Variants in THTPA observed in about 807,000 individuals in gnomAD.
THTPA encodes the protein thiamine triphosphatase.
THTPA carries 16 observed loss-of-function variants against 16.5 expected under a neutral mutation model. The observed-to-expected ratio is 0.97, with a 90% CI of 0.66 to 1.47. The LOEUF is 1.47. THTPA is among the 40% of genes most tolerant of loss of function. The pLI is 0.00. For missense variants in THTPA, 281 were observed against 280.9 expected, an observed-to-expected ratio of 1.00 and a Z score of 0.00; for synonymous variants, 110 against 115.5, an observed-to-expected ratio of 0.95 and a Z score of 0.30.
chr14:23,531,342 G>C, the THTPA span: 1 of 1,230,532 alleles, frequency 8.1e-7, no homozygotes, highest in East Asian at 3.0e-5. Flanking sequence ...TTATCCCTTC[G>C]CAGCTTCTTC....
At chr14:23,554,451 TCACTGC>T (rs1236361515), upstream of THTPA, among the ~76,000 whole-genome samples, 1 of 152,094 alleles carries the variant, frequency 6.6e-6, no homozygotes, top group Non-Finnish European at 1.5e-5. Flanking sequence ...GGATCGTAGC[TCACTGC>T]CCTTGACCTC....
the THTPA span, among the ~76,000 whole-genome samples, chr14:23,542,720 T>G: frequency 6.6e-6 from 1 of 151,952 alleles, no homozygotes; most frequent in East Asian, 1.9e-4. Context: ...GAATTTGGTC[T>G]CCCAGAACTT....
chr14:23,535,038 C>A, the THTPA span: 1 of 1,536,108 alleles, frequency 6.5e-7, no homozygotes, highest in Non-Finnish European at 8.7e-7. The surrounding 1 kb of genome is among the most constrained non-coding windows in gnomAD (Gnocchi z 4.5). Flanking sequence ...CCTCCTGCTC[C>A]TTGTCCTTTT....
the THTPA span, among the ~76,000 whole-genome samples, chr14:23,535,587 T>A: frequency 3.3e-5 from 5 of 152,124 alleles, no homozygotes; most frequent in Non-Finnish European, 7.4e-5. The surrounding 1 kb of genome is among the most constrained non-coding windows in gnomAD (Gnocchi z 4.5). Context: ...TATTTTATTT[T>A]ATTAATTAAT....
At chr14:23,522,783 G>T in the THTPA span, 7 of 1,536,280 alleles carry the variant, frequency 4.6e-6, 1 homozygote, top group Admixed American at 5.9e-5. Flanking sequence ...TCAGTAGGAG[G>T]GCCTGGGACA....
rs778577065 is a variant in THTPA, at chr14:23,557,274, GAGA to G, written c.521_523del (p.Lys174del). 41 of 1,607,572 alleles carry G rather than the reference GAGA, an allele frequency of 2.6e-5. No individual in the cohort carries two copies. In the Middle Eastern group the frequency reaches 5.1e-3, roughly 201 times the overall value. The stretch of plus-strand genomic sequence containing the variant: ...GGAGGCTGAAGTACCAACTGCCCTA[GAGA>G]AGATCCACAGGCTCAGCAGCATGCT... On this transcript the variant is annotated inframe_deletion, in exon 1 of 2. Transcript: ENST00000288014.
the THTPA span, chr14:23,534,887 C>T: frequency 6.5e-7 from 1 of 1,536,112 alleles, no homozygotes; most frequent in Non-Finnish European, 8.7e-7. The surrounding 1 kb of genome is among the most constrained non-coding windows in gnomAD (Gnocchi z 4.5). Context: ...TTGATGCCCG[C>T]CTCACCCCAG....
At chr14:23,522,248 C>T in the THTPA span, 40 of 1,479,816 alleles carry the variant, frequency 2.7e-5, no homozygotes, top group African/African-American at 5.6e-5. Context: ...CCCAGAGCCC[C>T]GCCCAAAGAA....
the THTPA span, chr14:23,527,842 GAAGGATGGGACCCACCATCACAT>G: frequency 6.6e-7 from 1 of 1,526,364 alleles, no homozygotes; most frequent in African/African-American, 1.4e-5. Context: ...AAGTGTCAGG[GAAGGATGGGACCCACCATCACAT>G]AGTCCTTTGG....
chr14:23,555,356 C>T (rs527903359), upstream of THTPA, among the ~76,000 whole-genome samples: 1 of 152,246 alleles, frequency 6.6e-6, no homozygotes, highest in Non-Finnish European at 1.5e-5. Context: ...GCTTAGGGAC[C>T]GCTGGAAACT....
the THTPA span, among the ~76,000 whole-genome samples, chr14:23,520,686 AG>A: frequency 7.3e-5 from 11 of 150,980 alleles, no homozygotes; most frequent in African/African-American, 2.7e-4. This position sits in a 1 kb window ranked among gnomAD's most constrained non-coding sequence, Gnocchi z 8.7. Flanking sequence ...TGCGCATAGC[AG>A]GGGAGGGCTG....
At chr14:23,520,500 C>G in the THTPA span, among the ~76,000 whole-genome samples, 4 of 152,172 alleles carry the variant, frequency 2.6e-5, no homozygotes, top group Non-Finnish European at 4.4e-5. The surrounding 1 kb of genome is among the most constrained non-coding windows in gnomAD (Gnocchi z 8.7). Flanking sequence ...ACCCCACTCA[C>G]CCCCTTCTTC....
At chr14:23,523,905 G>A in the THTPA span, 2 of 1,536,242 alleles carry the variant, frequency 1.3e-6, no homozygotes, top group Non-Finnish European at 1.7e-6. The surrounding 1 kb of genome is among the most constrained non-coding windows in gnomAD (Gnocchi z 4.1). Context: ...GCTTTAGGTG[G>A]TTCCTCTGGG....
chr14:23,529,727 T>C, the THTPA span: 4 of 1,536,144 alleles, frequency 2.6e-6, no homozygotes, highest in African/African-American at 5.5e-5. Flanking sequence ...TGGTTGGCAC[T>C]GTCTCTGGAA....
chr14:23,542,475 G>A, the THTPA span, among the ~76,000 whole-genome samples: 10 of 152,200 alleles, frequency 6.6e-5, no homozygotes, highest in Non-Finnish European at 1.2e-4. Flanking sequence ...CTTGGAAAGT[G>A]TTGGATGTGT....
chr14:23,531,488 C>T, the THTPA span: 1 of 1,418,818 alleles, frequency 7.0e-7, no homozygotes, highest in Non-Finnish European at 9.3e-7. Context: ...CACCGGGAGT[C>T]CGGAGCTGCC....
At chr14:23,523,523 A>G in the THTPA span, 42 of 1,536,416 alleles carry the variant, frequency 2.7e-5, no homozygotes, top group Non-Finnish European at 1.7e-6. The surrounding 1 kb of genome is among the most constrained non-coding windows in gnomAD (Gnocchi z 4.1). Flanking sequence ...GGCTGCTAAG[A>G]GGCCCTCACT....
the THTPA span, chr14:23,530,728 G>C: frequency 1.3e-5 from 4 of 309,306 alleles, no homozygotes; most frequent in Non-Finnish European, 1.9e-5. Flanking sequence ...CGCCAGGATC[G>C]TTAGCTATTG....
At chr14:23,535,488 C>A in the THTPA span, 1 of 810,090 alleles carries the variant, frequency 1.2e-6, no homozygotes, top group African/African-American at 1.7e-5. The surrounding 1 kb of genome is among the most constrained non-coding windows in gnomAD (Gnocchi z 4.5). Context: ...GACTCAGACA[C>A]CACTTTGCTA....
Sources: allele counts gnomAD v4.1 joint callset (sites outside exome capture counted in the v4.1 genomes callset), GRCh38; gene constraint gnomAD v4.1.1; non-coding constraint Gnocchi (gnomAD v3.1); transcripts MANE v1.5; gene names NCBI Gene and HGNC (gene_info 2026-07-23, HGNC 2026-07-21).